H2AZ2: variants seen among roughly 807,000 people sequenced by gnomAD.
H2AZ2 encodes the protein histone H2A.V.
Under a neutral mutation model 15.5 loss-of-function variants are expected in H2AZ2, and 5 were observed. The observed-to-expected ratio is 0.32, with a 90% confidence interval of 0.17 to 0.68. The LOEUF is 0.68. Among genes scored for constraint, H2AZ2 ranks in the 30% least tolerant of loss-of-function variants. The pLI is 0.72. For missense variants in H2AZ2, 42 were observed against 162.5 expected (o/e 0.26, Z 4.03); for synonymous variants, 44 against 57.4 (o/e 0.77, Z 1.05).
At chr7:44,839,644 T>C (rs977126565) in intron 3 of H2AZ2, among the ~76,000 whole-genome samples, 6 of 150,814 alleles carry the variant, frequency 4.0e-5, no homozygotes, top group African/African-American at 1.5e-4. Flanking sequence ...ACTGCACCAC[T>C]GCACTCCAGC....
At chr7:44,837,115 A>T (rs1793143554) in intron 3 of H2AZ2, among the ~76,000 whole-genome samples, 1 of 152,020 alleles carries the variant, frequency 6.6e-6, no homozygotes, top group South Asian at 2.1e-4. Context: ...CAAAAAAAAT[A>T]AAAAAATCAA....
At chr7:44,838,077 T>C (rs1468067912) in intron 3 of H2AZ2, among the ~76,000 whole-genome samples, 4 of 151,918 alleles carry the variant, frequency 2.6e-5, no homozygotes, top group Admixed American at 1.3e-4. Context: ...TTCAAGCAAT[T>C]CTCCTGCCTC....
chr7:44,838,789 A>G (rs1467182248), intron 3 of H2AZ2, among the ~76,000 whole-genome samples: 1 of 152,202 alleles, frequency 6.6e-6, no homozygotes, highest in Non-Finnish European at 1.5e-5. Context: ...AGACTAATGA[A>G]ATAAATGACA....
chr7:44,843,057 T>G (rs996111561), intron 2 of H2AZ2, among the ~76,000 whole-genome samples: 2 of 135,906 alleles, frequency 1.5e-5, no homozygotes, highest in Non-Finnish European at 3.0e-5. Context: ...GAGAATCGCT[T>G]GAATCCAGGA....
chr7:44,842,917 G>A (rs913738648), intron 2 of H2AZ2, among the ~76,000 whole-genome samples: 1 of 151,892 alleles, frequency 6.6e-6, no homozygotes, highest in Admixed American at 6.6e-5. Flanking sequence ...GAGGCAGGCA[G>A]ATCACGAGGT....
downstream of H2AZ2, chr7:44,830,043 C>T (rs932087769): frequency 1.3e-5 from 14 of 1,084,990 alleles, no homozygotes; most frequent in East Asian, 9.7e-5. Context: ...TCAGCACATT[C>T]GGGCAGTTCC....
At chr7:44,845,085 T>A (rs1013899496) in intron 1 of H2AZ2, among the ~76,000 whole-genome samples, 2 of 152,126 alleles carry the variant, frequency 1.3e-5, no homozygotes, top group Non-Finnish European at 2.9e-5. Flanking sequence ...AAATGGCATA[T>A]CCCCTTTGTA....
At chr7:44,838,899 G>T (rs1368047371) in intron 3 of H2AZ2, among the ~76,000 whole-genome samples, 1 of 152,136 alleles carries the variant, frequency 6.6e-6, no homozygotes, top group African/African-American at 2.4e-5. Flanking sequence ...CAGAATGAAT[G>T]CGTCTACACT....
intron 1 of H2AZ2, 151 bp downstream of exon 1, chr7:44,847,818 A>G: frequency 9.2e-7 from 1 of 1,083,916 alleles, no homozygotes; most frequent in Non-Finnish European, 1.3e-6. Context: ...CAGCTGGGAC[A>G]TGGCGCCCCC....
At chr7:44,827,885 C>T (rs767632981), downstream of H2AZ2, 5 of 152,164 alleles carry the variant, frequency 3.3e-5, no homozygotes, top group Admixed American at 1.3e-4. Context: ...GCGAAACGTT[C>T]ATTCTGATTT....
chr7:44,847,830 G>A (rs1014590533), intron 1 of H2AZ2, 139 bp downstream of exon 1: 12 of 1,197,548 alleles, frequency 1.0e-5, no homozygotes, highest in Middle Eastern at 2.0e-4. Flanking sequence ...GGCGCCCCCC[G>A]GCGGGCGGCG....
downstream of H2AZ2, chr7:44,827,246 T>G (rs1178554469): frequency 6.6e-6 from 1 of 152,238 alleles, no homozygotes; most frequent in Non-Finnish European, 1.5e-5. Flanking sequence ...TTTTCAAAAG[T>G]ACATAGTAAG....
intron 3 of H2AZ2, among the ~76,000 whole-genome samples, chr7:44,836,575 C>T (rs1388520012): frequency 3.3e-5 from 5 of 151,924 alleles, no homozygotes; most frequent in Admixed American, 6.6e-5. Flanking sequence ...TGCAGTGCAA[C>T]GGTGTGATCT....
chr7:44,844,290 A>G (rs1168840671), intron 1 of H2AZ2, among the ~76,000 whole-genome samples: 4 of 152,234 alleles, frequency 2.6e-5, no homozygotes, highest in Non-Finnish European at 5.9e-5. Flanking sequence ...TTCTGACACA[A>G]GCTACAACAT....
rs1323903936 is a variant in H2AZ2 at position 44,834,252 on chromosome 7, C to T, written c.*249G>A. ...ATTAATTTTGTAAAAAATGGTTTAT[C>T]AATTCCATTTTTGTATAAAACACAC... On this transcript the variant is annotated 3_prime_UTR_variant, in exon 5 of 5. Transcript: ENST00000308153. The T allele has an allele frequency of 9.7e-6, 12 of 1,236,414 alleles. No individual in the cohort carries two copies. The highest frequency in any genetic ancestry group is 1.2e-5 in the Non-Finnish European group (12 of 986,976). 76.6% of individuals were successfully genotyped at this position (1,236,414 alleles called of 1,614,324 possible).
In H2AZ2 at chr7:44,833,719, G is replaced by A; in HGVS notation, c.*782C>T. ...TGAACATCAATTCCAGGTAAAACTA[G>A]GCTCTGGAGTCAGCCAGATCTAGGT... On this transcript the variant is annotated 3_prime_UTR_variant, in exon 5 of 5. Transcript: ENST00000308153. The A allele has an allele frequency of 1.0e-6, 1 of 984,348 alleles. No individual in the cohort carries two copies. Among genetic ancestry groups the A allele is most frequent in the Non-Finnish European group, 1.2e-6 (1 of 828,950 alleles). The allele number at this position is 984,348 out of a possible 1,614,324, so 61.0% of individuals were successfully genotyped here.
chr7:44,836,004 G>A, intron 3 of H2AZ2, among the ~76,000 whole-genome samples: 1 of 144,152 alleles, frequency 6.9e-6, no homozygotes. Flanking sequence ...CCATTGCCTA[G>A]GCTGGAGTGC....
chr7:44,834,061 G>C lies in H2AZ2; in HGVS notation c.*440C>G. The C allele has an allele frequency of 1.5e-6, 1 of 678,962 alleles. No homozygotes were observed. Among genetic ancestry groups the C allele is most frequent in the Non-Finnish European group, 1.8e-6 (1 of 550,670 alleles). 42.1% of individuals were successfully genotyped at this position (678,962 alleles called of 1,614,324 possible). A position where few individuals can be genotyped will look rare whatever the true frequency, so the allele number is the denominator to read the frequency against. The stretch of plus-strand genomic sequence containing the variant: ...GTCGTTTGTAAAAAATGGTGCTACA[G>C]ATCAATAGCATCTAAGAGTCAATAT... On this transcript the variant is annotated 3_prime_UTR_variant, in exon 5 of 5. Transcript: ENST00000308153.
chr7:44,830,234 G>A (rs1192981480), downstream of H2AZ2: 27 of 1,426,896 alleles, frequency 1.9e-5, no homozygotes, highest in Middle Eastern at 1.7e-4. Flanking sequence ...TCTCATAGAT[G>A]AGCTGATAAC....
Sources: allele counts gnomAD v4.1 joint callset (sites outside exome capture counted in the v4.1 genomes callset), GRCh38; gene constraint gnomAD v4.1.1; transcripts MANE v1.5; gene names NCBI Gene and HGNC (gene_info 2026-07-23, HGNC 2026-07-21).